The following DLGAP1 variants were observed in gnomAD, a reference collection of about 807,000 sequenced individuals.
The protein encoded by DLGAP1 is disks large-associated protein 1.
In DLGAP1, 11 loss-of-function variants were observed where a neutral mutation model predicts 90.8. The observed-to-expected ratio is 0.12, with a 90% CI of 0.08 to 0.20. The LOEUF (loss-of-function observed/expected upper bound fraction) is 0.20, where lower values mean the gene tolerates loss of function less well. DLGAP1 is among the 10% of genes least tolerant of loss of function. The pLI is 1.00. For missense variants in DLGAP1, 1,050 were observed against 1,333.8 expected, an observed-to-expected ratio of 0.79 and a Z score of 3.31; for synonymous variants, 558 against 540.7, an observed-to-expected ratio of 1.03 and a Z score of -0.44.
chr18:4,127,886 C>A (rs1485383316), intron 2 of DLGAP1, among the ~76,000 whole-genome samples: 1 of 152,144 alleles, frequency 6.6e-6, no homozygotes, highest in Admixed American at 6.6e-5. Context: ...GTAAAACATT[C>A]ATTTTACATG....
In DLGAP1 at chr18:3,644,962, A is replaced by T. The variant is rs189357722; in HGVS notation, c.1592-62714T>A. ...TATCCTTTGGGTAAAAAAGGGGAAA[A>T]CACATACTCATAATGTTTAAATATG... On this transcript the variant is annotated intron_variant, in intron 7 of 12. Transcript: ENST00000315677. 4.5e-4 allele frequency among the ~76,000 whole-genome samples: 69 copies of T among 152,332 alleles called. 1 individual carries two copies. In the East Asian group the frequency reaches 0.011, roughly 25 times the overall value.
intron 4 of DLGAP1, among the ~76,000 whole-genome samples, chr18:3,837,300 A>G (rs2068444193): frequency 6.6e-6 from 1 of 152,218 alleles, no homozygotes; most frequent in African/African-American, 2.4e-5. Flanking sequence ...TTTTCTATAA[A>G]AAGGAAGCAT....
chr18:3,730,115 G>A (rs761837289), intron 6 of DLGAP1, among the ~76,000 whole-genome samples: 1 of 152,148 alleles, frequency 6.6e-6, no homozygotes, highest in Non-Finnish European at 1.5e-5. Flanking sequence ...TGGGCTGACT[G>A]TTGTGGCTCG....
At chr18:3,532,274 G>A (rs768714115) in intron 10 of DLGAP1, among the ~76,000 whole-genome samples, 1 of 152,042 alleles carries the variant, frequency 6.6e-6, no homozygotes, top group African/African-American at 2.4e-5. Flanking sequence ...CTACTTTTGT[G>A]CATGTTTAAA....
chr18:4,177,544 T>C (rs2077130663), intron 1 of DLGAP1, among the ~76,000 whole-genome samples: 1 of 152,170 alleles, frequency 6.6e-6, no homozygotes, highest in African/African-American at 2.4e-5. Context: ...AAGTGTTTGG[T>C]GTACAGATAA....
At chr18:3,745,831 A>C (rs1598565840) in intron 5 of DLGAP1, among the ~76,000 whole-genome samples, 2 of 152,140 alleles carry the variant, frequency 1.3e-5, no homozygotes, top group East Asian at 3.9e-4. Context: ...CTGGGATTAC[A>C]GGAACATGCC....
At chr18:3,741,135 A>AC (rs1555649463) in intron 6 of DLGAP1, among the ~76,000 whole-genome samples, 5 of 74,940 alleles carry the variant, frequency 6.7e-5, no homozygotes, top group African/African-American at 1.1e-4. Context: ...CACCACCACC[A>AC]CATCACCATC....
At chr18:3,531,768 C>T (rs2052020958) in intron 10 of DLGAP1, among the ~76,000 whole-genome samples, 1 of 152,132 alleles carries the variant, frequency 6.6e-6, no homozygotes, top group East Asian at 1.9e-4. Flanking sequence ...TAGGCATGAG[C>T]CACCGCACAA....
intron 2 of DLGAP1, among the ~76,000 whole-genome samples, chr18:4,010,383 A>G (rs1330209932): frequency 6.6e-6 from 1 of 152,032 alleles, no homozygotes; most frequent in East Asian, 1.9e-4. Flanking sequence ...TGTCTCTACA[A>G]AAAAATATTA....
intron 10 of DLGAP1, among the ~76,000 whole-genome samples, chr18:3,514,056 G>A (rs2050689830): frequency 6.6e-6 from 1 of 151,788 alleles, no homozygotes; most frequent in African/African-American, 2.4e-5. Flanking sequence ...ATTTCAAGAG[G>A]AGTTAGGTCT....
chr18:3,563,845 G>A (rs750255277), intron 9 of DLGAP1, among the ~76,000 whole-genome samples: 5 of 152,204 alleles, frequency 3.3e-5, no homozygotes, highest in Non-Finnish European at 7.4e-5. Flanking sequence ...CTCAAGTTTA[G>A]ACATTAGTGT....
intron 1 of DLGAP1, among the ~76,000 whole-genome samples, chr18:4,400,018 C>G (rs528010952): frequency 6.6e-6 from 1 of 152,112 alleles, no homozygotes; most frequent in Non-Finnish European, 1.5e-5. Flanking sequence ...GTCAACAAAT[C>G]GAGGATCTGC....
chr18:3,730,124 C>T (rs1159891267), intron 6 of DLGAP1, among the ~76,000 whole-genome samples: 2 of 152,128 alleles, frequency 1.3e-5, no homozygotes, highest in African/African-American at 4.8e-5. Context: ...TGTTGTGGCT[C>T]GCACCTATTA....
chr18:4,384,310 T>C (rs1242045077), intron 1 of DLGAP1, among the ~76,000 whole-genome samples: 1 of 152,138 alleles, frequency 6.6e-6, no homozygotes, highest in Non-Finnish European at 1.5e-5. Context: ...AGTTAATATG[T>C]TGAAATTTAT....
intron 2 of DLGAP1, among the ~76,000 whole-genome samples, chr18:4,077,498 G>C (rs186147933): frequency 2.0e-5 from 3 of 152,174 alleles, no homozygotes; most frequent in African/African-American, 7.2e-5. Context: ...TGTGGCGGAG[G>C]GCAGGGGTGG....
intron 2 of DLGAP1, among the ~76,000 whole-genome samples, chr18:4,007,604 C>T (rs1355882649): frequency 3.9e-5 from 6 of 152,082 alleles, no homozygotes; most frequent in South Asian, 2.1e-4. Flanking sequence ...TGCAGTGAGC[C>T]GAGATTGCAT....
intron 1 of DLGAP1, among the ~76,000 whole-genome samples, chr18:4,306,592 A>C (rs2080271065): frequency 6.6e-6 from 1 of 152,100 alleles, no homozygotes; most frequent in Non-Finnish European, 1.5e-5. Flanking sequence ...TTCCTTGTAT[A>C]GCTTTCCAAA....
intron 5 of DLGAP1, among the ~76,000 whole-genome samples, chr18:3,753,555 T>C (rs999634707): frequency 2.0e-5 from 3 of 152,162 alleles, no homozygotes; most frequent in African/African-American, 4.8e-5. Context: ...AGTTCTGATA[T>C]ATTGCTGAGA....
chr18:4,224,292 C>T (rs1253847501), intron 1 of DLGAP1, among the ~76,000 whole-genome samples: 7 of 152,158 alleles, frequency 4.6e-5, no homozygotes, highest in Non-Finnish European at 7.4e-5. Context: ...GCTGTCATGG[C>T]TATGAGGAGA....
Sources: gnomAD v4.1 joint callset for allele counts (sites outside exome capture counted in the v4.1 genomes callset) on GRCh38, gnomAD v4.1.1 for gene constraint, MANE v1.5 for transcripts, NCBI Gene and HGNC (gene_info 2026-07-23, HGNC 2026-07-21) for gene names.